Variants in ABAT observed in about 807,000 individuals in gnomAD.
ABAT encodes 4-aminobutyrate aminotransferase, mitochondrial.
A neutral mutation model predicts 64.6 loss-of-function variants in ABAT; 45 were observed. The ratio of observed to expected loss-of-function variants is 0.70; its 90% confidence interval spans 0.55 to 0.89. The LOEUF (loss-of-function observed/expected upper bound fraction) is 0.89. Among genes scored for constraint, ABAT ranks in the 40% least tolerant of loss-of-function variants. The probability of loss-of-function intolerance (pLI) is 0.00; values close to 1 mark genes in which losing one functional copy is unlikely to be tolerated. For missense variants in ABAT, 633 were observed against 658.4 expected, an observed-to-expected ratio of 0.96 and a Z score of 0.42; for synonymous variants, 297 against 250.5, an observed-to-expected ratio of 1.19 and a Z score of -1.75.
At chr16:8,759,222 T>A (rs1218566351) in intron 6 of ABAT, among the ~76,000 whole-genome samples, 1 of 152,190 alleles carries the variant, frequency 6.6e-6, no homozygotes, top group African/African-American at 2.4e-5. Context: ...ACTCTTTTTG[T>A]TATTGGAACA....
intron 2 of ABAT, among the ~76,000 whole-genome samples, chr16:8,737,799 G>A (rs1044939859): frequency 2.0e-5 from 3 of 150,038 alleles, no homozygotes; most frequent in South Asian, 2.1e-4. Flanking sequence ...GTGGTGGCAG[G>A]CACCTGTAAT....
chr16:8,723,828 T>TATATATATATATATATATATATA (rs1491219171), intron 1 of ABAT, among the ~76,000 whole-genome samples: 13 of 19,306 alleles, frequency 6.7e-4, no homozygotes, highest in African/African-American at 1.1e-3. Flanking sequence ...TATATATATA[T>TATATATATATATATATATATATA]TTTTTTTTTT....
chr16:8,759,370 T>A (rs72770151), intron 6 of ABAT, among the ~76,000 whole-genome samples: 5,146 of 93,044 alleles, frequency 0.055, 212 homozygotes, highest in African/African-American at 0.16. Flanking sequence ...GAGTAAAAAA[T>A]TTTTTTTTTT....
intron 1 of ABAT, among the ~76,000 whole-genome samples, chr16:8,682,850 G>A (rs1278610588): frequency 6.6e-6 from 1 of 152,086 alleles, no homozygotes; most frequent in Non-Finnish European, 1.5e-5. Flanking sequence ...CAGAATCTTG[G>A]GCCCCACCCA....
At chr16:8,726,762 C>T (rs182359730) in intron 1 of ABAT, among the ~76,000 whole-genome samples, 146 of 152,260 alleles carry the variant, frequency 9.6e-4, no homozygotes, top group Non-Finnish European at 1.6e-3. Context: ...TTTGAGGAAC[C>T]TCCAACTGTT....
rs2060469864 is a variant in ABAT at position 8,782,800 on chromosome 16, G to C, written c.*1370G>C. On this transcript the variant is annotated 3_prime_UTR_variant, in exon 16 of 16. Transcript: ENST00000268251. ...TGGGGAGTCTGAGAAAGCCTGGCTT[G>C]TATTATCTGTCCAAAAGGAAGCCTC... The C allele has an allele frequency of 6.6e-6, 1 of 152,194 alleles. No individual in the cohort carries two copies. Among genetic ancestry groups the C allele is most frequent in the Admixed American group, 6.5e-5 (1 of 15,282 alleles). The allele number at this position is 152,194 out of a possible 1,614,324, so 9.4% of individuals were successfully genotyped here.
intron 1 of ABAT, among the ~76,000 whole-genome samples, chr16:8,693,850 G>A (rs1406050039): frequency 1.3e-5 from 2 of 151,982 alleles, no homozygotes; most frequent in Non-Finnish European, 2.9e-5. Context: ...TTTGTTTTGA[G>A]ATTAGTGTAG....
At chr16:8,688,341 G>A (rs896427488) in intron 1 of ABAT, among the ~76,000 whole-genome samples, 5 of 152,136 alleles carry the variant, frequency 3.3e-5, no homozygotes, top group Non-Finnish European at 7.3e-5. Flanking sequence ...GTTGAAACAG[G>A]ACTTGAACTA....
At chr16:8,734,751 C>G (rs536646448) in intron 1 of ABAT, among the ~76,000 whole-genome samples, 17 of 152,078 alleles carry the variant, frequency 1.1e-4, no homozygotes, top group Non-Finnish European at 2.1e-4. Context: ...AAAAAATACA[C>G]ATACCAATTA....
In ABAT at chr16:8,684,722, CAAA is replaced by C. The variant is rs35012807; in HGVS notation, c.-42+10026_-42+10028del. On this transcript the variant is annotated intron_variant, in intron 1 of 15. Transcript: ENST00000268251. ...TGGACAACAGAGTGAGATCCTGTCT[CAAA>C]AAAAAAAAAAAAAAGGTGGAGGGTA... Among the ~76,000 whole-genome samples, 476 of 121,638 alleles carry C rather than the reference CAAA, an allele frequency of 3.9e-3. 1 individual carries two copies. Among genetic ancestry groups the C allele is most frequent in the African/African-American group, 0.012 (411 of 33,014 alleles). The allele number at this position is 121,638 out of a possible 152,430, so 79.8% of individuals were successfully genotyped here.
Position 8,779,537 on chromosome 16 carries a change from A to G in ABAT, c.1328A>G (p.Asp443Gly). Reference protein sequence around the residue: ...VRGRGTFCSFDTPDDSIRNKL... With the variant: ...VRGRGTFCSFGTPDDSIRNKL... ...GGACGAGGCACCTTTTGCTCCTTCG[A>G]TACTCCCGATGATTCCATACGGAAT... The change falls in exon 15 of 16, where the codon GAT (aspartate) becomes GGT (glycine). Residue 443 changes from aspartate (D) to glycine (G), a missense_variant. Asp to Gly is a moderately conservative substitution (Grantham distance 94, BLOSUM62 -1). Coordinates refer to ENST00000268251, the MANE Select transcript of ABAT (RefSeq NM_020686.6). The G allele has an allele frequency of 6.2e-7, 1 of 1,614,150 alleles. No homozygotes were observed. Among genetic ancestry groups the G allele is most frequent in the Non-Finnish European group, 8.5e-7 (1 of 1,180,034 alleles).
At chr16:8,724,134 C>G (rs896799608) in intron 1 of ABAT, among the ~76,000 whole-genome samples, 1 of 151,878 alleles carries the variant, frequency 6.6e-6, no homozygotes, top group South Asian at 2.1e-4. Context: ...AGCCACTGCG[C>G]CCAGCCCCAA....
intron 1 of ABAT, among the ~76,000 whole-genome samples, chr16:8,732,383 T>C (rs2058753074): frequency 6.6e-6 from 1 of 150,846 alleles, no homozygotes; most frequent in Non-Finnish European, 1.5e-5. Context: ...CCGCAGTGTT[T>C]GTGTCCCTGG....
chr16:8,686,032 A>T (rs562591972), intron 1 of ABAT, among the ~76,000 whole-genome samples: 11 of 152,306 alleles, frequency 7.2e-5, no homozygotes, highest in Admixed American at 2.0e-4. Flanking sequence ...ACCTTCCTGC[A>T]AAAGGTTTTA....
chr16:8,718,305 T>A (rs527948451), intron 1 of ABAT, among the ~76,000 whole-genome samples: 2 of 152,304 alleles, frequency 1.3e-5, no homozygotes, highest in East Asian at 3.9e-4. Context: ...TTACTCTTTA[T>A]GAATAAAGTA....
Position 8,737,483 on chromosome 16 carries a change from A to AT in ABAT, c.70+1674_70+1675insT, listed in dbSNP as rs1338625459. On this transcript the variant is annotated intron_variant, in intron 2 of 15. Coordinates refer to ENST00000268251, the MANE Select transcript of ABAT (RefSeq NM_020686.6). Reference sequence around the variant, plus strand: ...ATCGAGGCTCTGTCTCAAAAAAATAAAAAATAAATAAATAAACATCTTATT... The same window carrying AT: ...ATCGAGGCTCTGTCTCAAAAAAATAATAAAATAAATAAATAAACATCTTATT... 3.6e-3 allele frequency: 164 copies of AT among 45,630 alleles called. 2 individuals are homozygous for AT. Among genetic ancestry groups the AT allele is most frequent in the African/African-American group, 0.015 (158 of 10,310 alleles). 2.8% of individuals were successfully genotyped at this position (45,630 alleles called of 1,614,324 possible). A position where few individuals can be genotyped will look rare whatever the true frequency, so the allele number is the denominator to read the frequency against.
chr16:8,677,710 G>C (rs2057236783), intron 1 of ABAT, among the ~76,000 whole-genome samples: 1 of 152,154 alleles, frequency 6.6e-6, no homozygotes, highest in African/African-American at 2.4e-5. Context: ...GACATTGCCA[G>C]ATGTGCCCTG....
intron 1 of ABAT, among the ~76,000 whole-genome samples, chr16:8,676,263 C>A (rs2057199578): frequency 6.6e-6 from 1 of 152,116 alleles, no homozygotes; most frequent in African/African-American, 2.4e-5. Flanking sequence ...GACGTGGCCC[C>A]TTCATTTGAC....
At chr16:8,711,127 T>G (rs1385752269) in intron 1 of ABAT, among the ~76,000 whole-genome samples, 1 of 152,200 alleles carries the variant, frequency 6.6e-6, no homozygotes, top group African/African-American at 2.4e-5. Flanking sequence ...GGTTTGCGCA[T>G]TTACAATTTT....
Sources: allele counts gnomAD v4.1 joint callset (sites outside exome capture counted in the v4.1 genomes callset), GRCh38; gene constraint gnomAD v4.1.1; transcripts MANE v1.5; gene names NCBI Gene and HGNC (gene_info 2026-07-23, HGNC 2026-07-21).